ESRRG: variants seen among roughly 807,000 people sequenced by gnomAD.
ESRRG encodes estrogen-related receptor gamma.
ESRRG carries 13 observed loss-of-function variants against 44.0 expected under a neutral mutation model. The ratio of observed to expected loss-of-function variants is 0.30; its 90% CI spans 0.19 to 0.47. The LOEUF is 0.47. Ranked by LOEUF, ESRRG falls within the 20% of genes least tolerant of loss-of-function variation. ESRRG has a pLI of 1.00. For synonymous variants in ESRRG, 215 were observed against 214.6 expected, an observed-to-expected ratio of 1.00 and a Z score of -0.02; for missense variants, 395 against 580.6, an observed-to-expected ratio of 0.68 and a Z score of 3.29.
intron 2 of ESRRG, among the ~76,000 whole-genome samples, chr1:216,668,338 C>T (rs2074419577): frequency 6.6e-6 from 1 of 152,180 alleles, no homozygotes; most frequent in Non-Finnish European, 1.5e-5. Flanking sequence ...ATACCCCTTA[C>T]ATGGGATAGG....
chr1:216,522,111 G>T (rs1376119325), intron 5 of ESRRG, among the ~76,000 whole-genome samples: 1 of 151,844 alleles, frequency 6.6e-6, no homozygotes, highest in Non-Finnish European at 1.5e-5. Flanking sequence ...AGTTGATCCT[G>T]CAATTTGTTT....
chr1:216,976,580 A>G (rs2072961766), intron 1 of ESRRG, among the ~76,000 whole-genome samples: 1 of 152,158 alleles, frequency 6.6e-6, no homozygotes, highest in South Asian at 2.1e-4. Flanking sequence ...GATATCCTTC[A>G]ATGCTAAACA....
At chr1:217,059,609 G>A (rs1208283659) in intron 1 of ESRRG, among the ~76,000 whole-genome samples, 1 of 152,026 alleles carries the variant, frequency 6.6e-6, no homozygotes, top group Non-Finnish European at 1.5e-5. Flanking sequence ...GCCCCTGCTG[G>A]CTAACGTGGA....
intron 1 of ESRRG, among the ~76,000 whole-genome samples, chr1:216,717,649 A>C (rs370124324): frequency 6.6e-6 from 1 of 151,894 alleles, no homozygotes; most frequent in African/African-American, 2.4e-5. Context: ...AAGCAATTGC[A>C]TAAGTGCTTT....
At chr1:217,102,287 G>T (rs919702537) in intron 1 of ESRRG, among the ~76,000 whole-genome samples, 5 of 152,198 alleles carry the variant, frequency 3.3e-5, no homozygotes, top group Non-Finnish European at 7.3e-5. Context: ...AAGTAAGTGT[G>T]GGATCTGGGA....
At chr1:216,811,032 A>G (rs559060689) in intron 2 of ESRRG, among the ~76,000 whole-genome samples, 90 of 152,180 alleles carry the variant, frequency 5.9e-4, no homozygotes, top group African/African-American at 2.1e-3. Flanking sequence ...TTTGAGAGGC[A>G]AAAATAAATT....
At chr1:217,018,899 C>T (rs552515761) in intron 1 of ESRRG, among the ~76,000 whole-genome samples, 1 of 152,256 alleles carries the variant, frequency 6.6e-6, no homozygotes, top group Non-Finnish European at 1.5e-5. Context: ...TGCATCTACT[C>T]CTCTTCCCAG....
chr1:216,958,028 T>C (rs1364839211), intron 1 of ESRRG, among the ~76,000 whole-genome samples: 2 of 72,992 alleles, frequency 2.7e-5, no homozygotes, highest in Non-Finnish European at 4.6e-5. Flanking sequence ...AATGGAAACG[T>C]ATAGTACGCA....
At chr1:217,090,184 A>C (rs2151547744), upstream of ESRRG, among the ~76,000 whole-genome samples, 1 of 152,144 alleles carries the variant, frequency 6.6e-6, no homozygotes, top group East Asian at 1.9e-4. Context: ...AGCCGCTGCA[A>C]ACGGAAAGCA....
intron 2 of ESRRG, among the ~76,000 whole-genome samples, chr1:216,903,232 C>A (rs142922192): frequency 3.5e-4 from 54 of 152,224 alleles, no homozygotes; most frequent in African/African-American, 1.3e-3. Flanking sequence ...TGCAGGGAAT[C>A]CCTGTCATGG....
At chr1:216,713,772 A>C (rs1481913089) in intron 1 of ESRRG, among the ~76,000 whole-genome samples, 1 of 152,206 alleles carries the variant, frequency 6.6e-6, no homozygotes, top group Admixed American at 6.5e-5. Flanking sequence ...TGAATGAAAA[A>C]AGGCACAGAG....
At chr1:217,089,874 A>G (rs1301498177), upstream of ESRRG, among the ~76,000 whole-genome samples, 3 of 151,682 alleles carry the variant, frequency 2.0e-5, no homozygotes, top group Admixed American at 6.6e-5. Flanking sequence ...GTCGGTCCGC[A>G]CTCCCTGTGA....
intron 1 of ESRRG, chr1:217,078,233 T>A (rs2091478475): frequency 6.6e-6 from 1 of 152,188 alleles, no homozygotes; most frequent in Non-Finnish European, 1.5e-5. Flanking sequence ...TCGGATCTGA[T>A]GACAAGAGCA....
At chr1:217,111,193 G>T (rs993809969) in intron 1 of ESRRG, among the ~76,000 whole-genome samples, 1 of 152,104 alleles carries the variant, frequency 6.6e-6, no homozygotes, top group Non-Finnish European at 1.5e-5. Context: ...TTCCCCCAGG[G>T]CCCCCCTTAT....
chr1:216,958,457 G>A (rs181075868), intron 1 of ESRRG, among the ~76,000 whole-genome samples: 11 of 152,124 alleles, frequency 7.2e-5, no homozygotes, highest in East Asian at 3.9e-4. Flanking sequence ...GATATTGTTC[G>A]TTTTAATTTT....
At chr1:217,130,906 A>G (rs1558295109) in intron 1 of ESRRG, among the ~76,000 whole-genome samples, 1 of 151,964 alleles carries the variant, frequency 6.6e-6, no homozygotes. Flanking sequence ...TTTTTTAACT[A>G]TTAAGACGTT....
At chr1:216,633,349 T>C (rs1180700566) in intron 3 of ESRRG, among the ~76,000 whole-genome samples, 1 of 152,192 alleles carries the variant, frequency 6.6e-6, no homozygotes, top group Non-Finnish European at 1.5e-5. Flanking sequence ...AGGCTCCAAC[T>C]AGTTCAGGTG....
At chr1:217,120,218 A>C (rs1337233010) in intron 1 of ESRRG, among the ~76,000 whole-genome samples, 2 of 152,122 alleles carry the variant, frequency 1.3e-5, no homozygotes, top group Non-Finnish European at 2.9e-5. Context: ...ACATCCAGGA[A>C]TACTGGAACC....
intron 1 of ESRRG, among the ~76,000 whole-genome samples, chr1:216,717,321 G>A (rs927077605): frequency 1.3e-5 from 2 of 151,812 alleles, no homozygotes; most frequent in African/African-American, 4.8e-5. Flanking sequence ...GTGGAGAGAT[G>A]TGTGTGCTAA....
Sources: allele counts gnomAD v4.1 joint callset (sites outside exome capture counted in the v4.1 genomes callset), GRCh38; gene constraint gnomAD v4.1.1; transcripts MANE v1.5; gene names NCBI Gene and HGNC (gene_info 2026-07-23, HGNC 2026-07-21).